FANCA: variants seen among roughly 807,000 people sequenced by gnomAD.
FANCA encodes the protein FA complementation group A.
In FANCA, 236 loss-of-function variants were observed where a neutral mutation model predicts 194.3. The ratio of observed to expected loss-of-function variants is 1.21; its 90% CI spans 1.09 to 1.35. The LOEUF is 1.35. FANCA is among the 40% of genes most tolerant of loss of function. FANCA has a pLI of 0.00. For missense variants in FANCA, 2,628 were observed against 1,813.9 expected (o/e 1.45, Z -8.15); for synonymous variants, 1,014 against 715.8 (o/e 1.42, Z -6.65).
At position 89,740,052 on chromosome 16, in the gene FANCA, G is replaced by A. The variant is rs878934420; in HGVS notation, c.3876C>T (p.Leu1292=). ...PKAFHVCAAI[L]ECLEKRKISW... ...ATATCTTCCTCTTCTCTAAACACTC[G>A]AGGATTGCTGCACAAACGTGGAAAG... Residue 1292 remains leucine, a synonymous_variant, in exon 39 of 43, where the codon CTC becomes CTT. Coordinates refer to ENST00000389301, the MANE Select transcript of FANCA (RefSeq NM_000135.4). 14 of 1,613,988 alleles carry A rather than the reference G, an allele frequency of 8.7e-6. No homozygotes were observed. The highest frequency in any genetic ancestry group is 2.2e-5 in the East Asian group (1 of 44,892).
rs774919321 is a variant in FANCA, at chr16:89,782,997, G to A, written c.1566+10C>T. 1 of 1,613,368 alleles carries A rather than the reference G, an allele frequency of 6.2e-7. No homozygotes were observed. The highest frequency in any genetic ancestry group is 8.5e-7 in the Non-Finnish European group (1 of 1,179,300). On this transcript the variant is annotated intron_variant, in intron 16 of 42. Coordinates refer to ENST00000389301, the MANE Select transcript of FANCA (RefSeq NM_000135.4). Reference sequence around the variant, plus strand: ...CAGGTGTGAGGAGTGGGCATGGAGGGACAGCTTGCCTTGAGGTCGGCCAGC... The same window carrying A: ...CAGGTGTGAGGAGTGGGCATGGAGGAACAGCTTGCCTTGAGGTCGGCCAGC...
intron 30 of FANCA, among the ~76,000 whole-genome samples, chr16:89,752,746 C>A (rs1018508890): frequency 6.6e-6 from 1 of 152,216 alleles, no homozygotes; most frequent in African/African-American, 2.4e-5. Flanking sequence ...TGTGCCCGGA[C>A]AGGGCCACCA....
In FANCA at chr16:89,761,470, T is replaced by A. The variant is rs146861165; in HGVS notation, c.2852+479A>T. ...AGAAATTGCCACCGCGTGGAAGCTT[T>A]ACTTTCGCTTTTGCTTTAATAAATC... On this transcript the variant is annotated intron_variant, in intron 29 of 42. Transcript: ENST00000389301. 9.9e-3 allele frequency among the ~76,000 whole-genome samples: 1,486 copies of A among 150,326 alleles called. 22 individuals are homozygous for A. The highest frequency in any genetic ancestry group is 0.049 in the South Asian group (230 of 4,708).
rs184156379 is a variant in FANCA at position 89,807,839 on chromosome 16, C to A, written c.596+455G>T. Among the ~76,000 whole-genome samples the A allele has an allele frequency of 3.3e-5, 5 of 152,008 alleles. No homozygotes were observed. In the East Asian group the frequency reaches 5.8e-4, roughly 18 times the overall value. On this transcript the variant is annotated intron_variant, in intron 6 of 42. Transcript: ENST00000389301. ...TGGAGCCTGCAGTGAGCCGACATCA[C>A]GTCACTGCACTCCAGCCTGGGTGAC... is the stretch of plus-strand genomic sequence containing the variant.
chr16:89,756,855 G>A (rs909569350), intron 30 of FANCA, among the ~76,000 whole-genome samples: 13 of 152,156 alleles, frequency 8.5e-5, no homozygotes, highest in African/African-American at 1.4e-4. Context: ...CTAGAGAGAC[G>A]ATGCATCCCT....
chr16:89,804,448 C>T (rs909720369), intron 7 of FANCA, among the ~76,000 whole-genome samples: 3 of 152,142 alleles, frequency 2.0e-5, no homozygotes, highest in African/African-American at 7.2e-5. Flanking sequence ...GTCCTGCCGC[C>T]GTCCAGGAGT....
At chr16:89,747,029 G>C in intron 33 of FANCA, 139 bp from the exon 34 acceptor site, 3 of 827,040 alleles carry the variant, frequency 3.6e-6, no homozygotes, top group South Asian at 1.4e-5. Flanking sequence ...GGTGCTCCTG[G>C]GCTGACCGGG....
chr16:89,761,986 T>C lies in FANCA; in HGVS notation c.2815A>G (p.Ile939Val), dbSNP rs1598096962. Residue 939 changes from isoleucine to valine, a missense_variant, in exon 29 of 43, where the codon ATT becomes GTT. Physicochemically the swap from Ile to Val is conservative, Grantham distance 29 (BLOSUM62 3). Transcript: ENST00000389301. ...YQDWLHLELE[I>V]QPEADALSDT... is the part of the protein sequence containing the mutation. ...GAAAGAGCATCAGCTTCAGGTTGAA[T>C]TTCCAGCTCCAGGTGTAACCAGTCT... 1 of 1,614,102 alleles carries C rather than the reference T, an allele frequency of 6.2e-7. No individual in the cohort carries two copies. The highest frequency in any genetic ancestry group is 1.1e-5 in the South Asian group (1 of 91,088).
intron 29 of FANCA, among the ~76,000 whole-genome samples, chr16:89,761,209 G>A (rs550243959): frequency 8.6e-4 from 131 of 152,256 alleles, no homozygotes; most frequent in African/African-American, 3.0e-3. Context: ...CACGAGGTCA[G>A]GAGATTGAGA....
intron 35 of FANCA, among the ~76,000 whole-genome samples, chr16:89,746,354 C>T (rs12102297): frequency 6.6e-5 from 10 of 151,978 alleles, no homozygotes; most frequent in Non-Finnish European, 1.3e-4. Flanking sequence ...AGAAGTCCTG[C>T]GGGTGCCATG....
intron 14 of FANCA, among the ~76,000 whole-genome samples, chr16:89,787,671 G>C (rs2039943080): frequency 6.6e-6 from 1 of 151,970 alleles, no homozygotes; most frequent in Admixed American, 6.6e-5. Context: ...GGAAGGTTGA[G>C]ACTGCAGTGA....
At position 89,761,946 on chromosome 16, in the gene FANCA, T is replaced by C. The variant is rs2038966938; in HGVS notation, c.2852+3A>G. The C allele has an allele frequency of 1.2e-6, 2 of 1,613,078 alleles. No homozygotes were observed. The highest frequency in any genetic ancestry group is 1.7e-6 in the Non-Finnish European group (2 of 1,179,044). On this transcript the variant is annotated splice_donor_region_variant and intron_variant, in intron 29 of 42. Coordinates refer to ENST00000389301, the MANE Select transcript of FANCA (RefSeq NM_000135.4). Reference sequence around the variant, plus strand: ...GGCCAGGGTAGCTCTTTTCAACACTTACCGTTCAGTATCTGAAAGAGCATC... The same window carrying C: ...GGCCAGGGTAGCTCTTTTCAACACTCACCGTTCAGTATCTGAAAGAGCATC...
intron 13 of FANCA, 114 bp from the exon 14 acceptor site, chr16:89,791,650 C>G: frequency 6.9e-7 from 1 of 1,447,686 alleles, no homozygotes; most frequent in Non-Finnish European, 9.5e-7. Context: ...CACCCAAACA[C>G]CAAGTTTTAA....
intron 36 of FANCA, 194 bp downstream of exon 36, chr16:89,744,765 T>G (rs1213790305): frequency 3.2e-6 from 2 of 632,484 alleles, no homozygotes; most frequent in Non-Finnish European, 2.9e-6. Context: ...CAACTGATTC[T>G]CCTGCCTCGG....
At chr16:89,743,128 G>A (rs1408144137) in intron 36 of FANCA, among the ~76,000 whole-genome samples, 190 bp from the exon 37 acceptor site, 7 of 152,196 alleles carry the variant, frequency 4.6e-5, no homozygotes, top group Non-Finnish European at 7.3e-5. Context: ...GCAGGTGCTG[G>A]TGCTGCCCCC....
At chr16:89,763,453 G>C (rs905811781) in intron 28 of FANCA, among the ~76,000 whole-genome samples, 2 of 151,828 alleles carry the variant, frequency 1.3e-5, no homozygotes, top group Non-Finnish European at 2.9e-5. Flanking sequence ...TGGGATTATA[G>C]GCATGAGCCA....
intron 20 of FANCA, among the ~76,000 whole-genome samples, chr16:89,776,159 CTTTTTTTTT>C (rs3069458): frequency 7.5e-5 from 7 of 93,306 alleles, no homozygotes; most frequent in East Asian, 7.0e-4. Context: ...CTTTGTTTTT[CTTTTTTTTT>C]TTTTTTTTTT....
intron 38 of FANCA, chr16:89,740,341 TA>T (rs2062098073): frequency 3.6e-6 from 2 of 549,658 alleles, no homozygotes; most frequent in Non-Finnish European, 6.5e-6. Flanking sequence ...AATAAGACAT[TA>T]AAAGAAAGGC....
chr16:89,781,383 A>C (rs2039698471), intron 17 of FANCA, among the ~76,000 whole-genome samples: 1 of 150,184 alleles, frequency 6.7e-6, no homozygotes, highest in South Asian at 2.1e-4. Flanking sequence ...AAAAAAAAAA[A>C]AAACAATACG....
Sources: gnomAD v4.1 joint callset for allele counts (sites outside exome capture counted in the v4.1 genomes callset) on GRCh38, gnomAD v4.1.1 for gene constraint, MANE v1.5 for transcripts, NCBI Gene and HGNC (gene_info 2026-07-23, HGNC 2026-07-21) for gene names.